The following ITPK1 variants were observed in gnomAD, a reference collection of about 807,000 sequenced individuals.
ITPK1 encodes the protein inositol 1,3,4-trisphosphate 5/6-kinase.
Under a neutral mutation model 45.3 loss-of-function variants are expected in ITPK1, and 21 were observed. The observed-to-expected ratio is 0.46, with a 90% CI of 0.33 to 0.67. The LOEUF (loss-of-function observed/expected upper bound fraction) is 0.67. ITPK1 is among the 30% of genes least tolerant of loss of function. The probability of loss-of-function intolerance (pLI) is 0.02; values close to 1 mark genes in which losing one functional copy is unlikely to be tolerated. For missense variants in ITPK1, 474 were observed against 573.5 expected, an observed-to-expected ratio of 0.83 and a Z score of 1.77; for synonymous variants, 258 against 253.6, an observed-to-expected ratio of 1.02 and a Z score of -0.16.
chr14:93,019,739 C>A (rs540031855), intron 3 of ITPK1, among the ~76,000 whole-genome samples: 1 of 152,268 alleles, frequency 6.6e-6, no homozygotes, highest in African/African-American at 2.4e-5. Context: ...TTGGGTGCGG[C>A]CCCCACAGGA....
intron 2 of ITPK1, 79 bp downstream of exon 2, chr14:93,114,990 A>G: frequency 1.3e-6 from 1 of 767,240 alleles, no homozygotes; most frequent in South Asian, 1.8e-5. Context: ...ACAACTAATG[A>G]GGCTGCACCG....
intron 5 of ITPK1, among the ~76,000 whole-genome samples, chr14:92,989,949 G>A (rs1297237239): frequency 6.6e-6 from 1 of 152,146 alleles, no homozygotes; most frequent in Non-Finnish European, 1.5e-5. Context: ...GAGGTCACAG[G>A]CCGAGGCCAA....
intron 2 of ITPK1, among the ~76,000 whole-genome samples, chr14:93,109,346 A>G (rs1336677836): frequency 6.6e-6 from 1 of 152,246 alleles, no homozygotes; most frequent in African/African-American, 2.4e-5. Flanking sequence ...GAGTGTGCAT[A>G]AACACCTATA....
intron 2 of ITPK1, among the ~76,000 whole-genome samples, chr14:93,104,610 G>T (rs1892450490): frequency 1.3e-5 from 2 of 152,150 alleles, no homozygotes; most frequent in South Asian, 4.1e-4. Flanking sequence ...AAGCTGTGCT[G>T]CTCACAGCAC....
chr14:93,031,297 C>T (rs972050003), intron 3 of ITPK1, among the ~76,000 whole-genome samples: 3 of 151,754 alleles, frequency 2.0e-5, no homozygotes, highest in Non-Finnish European at 2.9e-5. Context: ...GGTGGGGGCA[C>T]GATTGGAGTC....
chr14:93,054,356 A>G (rs983080583), intron 3 of ITPK1, among the ~76,000 whole-genome samples: 1 of 152,218 alleles, frequency 6.6e-6, no homozygotes, highest in African/African-American at 2.4e-5. Context: ...CAGCATCCAG[A>G]CAACGGGTGG....
At chr14:92,969,800 G>T (rs1250872792) in intron 5 of ITPK1, among the ~76,000 whole-genome samples, 1 of 152,182 alleles carries the variant, frequency 6.6e-6, no homozygotes, top group Non-Finnish European at 1.5e-5. Context: ...TGGATGGGAG[G>T]TGGAATGAGG....
chr14:92,965,948 A>G (rs1414235439), intron 5 of ITPK1, among the ~76,000 whole-genome samples: 1 of 152,256 alleles, frequency 6.6e-6, no homozygotes, highest in Non-Finnish European at 1.5e-5. Context: ...GGTTGACGTG[A>G]GCCAAGATCG....
At chr14:93,005,411 G>GCA (rs2139832524) in intron 4 of ITPK1, among the ~76,000 whole-genome samples, 1 of 152,312 alleles carries the variant, frequency 6.6e-6, no homozygotes, top group East Asian at 1.9e-4. Context: ...TGAGAACACA[G>GCA]CACCAGACAG....
chr14:92,941,762 G>A lies in ITPK1; in HGVS notation c.1044C>T (p.Gly348=). ...HSKLLAEPAG[G]LVGERTCSAS... is the part of the protein sequence containing the mutation. ...CGCTGCATGTCCGCTCGCCCACCAG[G>A]CCGCCCGCCGGCTCGGCCAGAAGCT... Residue 348 remains glycine, a synonymous_variant, in exon 11 of 11, where the codon GGC becomes GGT. Coordinates refer to ENST00000267615, the MANE Select transcript of ITPK1 (RefSeq NM_014216.6). 2.5e-6 allele frequency: 4 copies of A among 1,604,802 alleles called. No homozygotes were observed. The highest frequency in any genetic ancestry group is 3.4e-6 in the Non-Finnish European group (4 of 1,177,076).
At chr14:93,097,866 A>G (rs1334718457) in intron 2 of ITPK1, among the ~76,000 whole-genome samples, 1 of 151,692 alleles carries the variant, frequency 6.6e-6, no homozygotes, top group Non-Finnish European at 1.5e-5. Flanking sequence ...AAAATTAGCC[A>G]GGCATGGTGG....
chr14:93,076,733 C>A lies in ITPK1; in HGVS notation c.96-114G>T. On this transcript the variant is annotated intron_variant, in intron 2 of 10. Coordinates refer to ENST00000267615, the MANE Select transcript of ITPK1 (RefSeq NM_014216.6). The surrounding 1 kb of genome is among the most constrained non-coding windows in gnomAD (Gnocchi z 4.3). ...ACCATGAGAGGGTTTCAGGAGGGAGCCGGCAGCTGCGCCTCTCCTGCTACT... is the reference window on the plus strand; with the variant it reads ...ACCATGAGAGGGTTTCAGGAGGGAGACGGCAGCTGCGCCTCTCCTGCTACT... The A allele has an allele frequency of 8.0e-7, 1 of 1,248,318 alleles. No homozygotes were observed. Among genetic ancestry groups the A allele is most frequent in the Non-Finnish European group, 1.2e-6 (1 of 856,550 alleles). 77.3% of individuals were successfully genotyped at this position (1,248,318 alleles called of 1,614,324 possible). A position where few individuals can be genotyped will look rare whatever the true frequency, so the allele number is the denominator to read the frequency against.
At chr14:93,057,836 T>C (rs1450043220) in intron 3 of ITPK1, among the ~76,000 whole-genome samples, 2 of 152,210 alleles carry the variant, frequency 1.3e-5, no homozygotes, top group Non-Finnish European at 2.9e-5. Flanking sequence ...TCACCATGCT[T>C]GGTGGCGCTA....
At chr14:93,018,533 GA>G (rs112033187) in intron 3 of ITPK1, among the ~76,000 whole-genome samples, 8 of 149,512 alleles carry the variant, frequency 5.4e-5, no homozygotes, top group South Asian at 2.1e-4. Flanking sequence ...CCCCTATATA[GA>G]AAAAAAAAAT....
intron 5 of ITPK1, among the ~76,000 whole-genome samples, chr14:92,983,086 C>G (rs866405876): frequency 6.6e-6 from 1 of 152,240 alleles, no homozygotes; most frequent in South Asian, 2.1e-4. Context: ...TCTTATGTGA[C>G]CAGAGAGCTG....
chr14:92,949,950 A>C lies in ITPK1; in HGVS notation c.738+1996T>G, dbSNP rs143053095. On this transcript the variant is annotated intron_variant, in intron 9 of 10. Transcript: ENST00000267615. ...TGGGCCTCGGCACCCGGCTGCCGAG[A>C]CCGTGCCCATACTGCACACCTGGCA... is the stretch of plus-strand genomic sequence containing the variant. Among the ~76,000 whole-genome samples, 702 of 152,260 alleles carry C rather than the reference A, an allele frequency of 4.6e-3. 5 individuals are homozygous for C. The highest frequency in any genetic ancestry group is 0.016 in the African/African-American group (669 of 41,542).
intron 2 of ITPK1, among the ~76,000 whole-genome samples, chr14:93,107,653 C>A (rs1045702854): frequency 6.6e-6 from 1 of 152,112 alleles, no homozygotes; most frequent in East Asian, 1.9e-4. Flanking sequence ...TGGGGGGATG[C>A]GGAGCGGGGT....
At chr14:93,112,462 T>C (rs922602992) in intron 2 of ITPK1, among the ~76,000 whole-genome samples, 102 of 137,778 alleles carry the variant, frequency 7.4e-4, no homozygotes, top group African/African-American at 2.7e-3. Flanking sequence ...TTTTTTGAGA[T>C]GGAGTCTCGC....
intron 3 of ITPK1, among the ~76,000 whole-genome samples, chr14:93,031,578 C>T (rs369634629): frequency 6.6e-5 from 10 of 152,174 alleles, no homozygotes; most frequent in East Asian, 1.9e-4. Flanking sequence ...TGTGGGACCT[C>T]GAGCCATCAT....
Sources: allele counts gnomAD v4.1 joint callset (sites outside exome capture counted in the v4.1 genomes callset), GRCh38; gene constraint gnomAD v4.1.1; non-coding constraint Gnocchi (gnomAD v3.1); transcripts MANE v1.5; gene names NCBI Gene and HGNC (gene_info 2026-07-23, HGNC 2026-07-21).